WDPCP: variants seen among roughly 807,000 people sequenced by gnomAD.
WDPCP encodes WD repeat-containing and planar cell polarity effector protein fritz homolog.
WDPCP carries 71 observed loss-of-function variants against 93.1 expected under a neutral mutation model. The observed-to-expected ratio is 0.76, with a 90% confidence interval of 0.63 to 0.93. The LOEUF is 0.93. Ranked by LOEUF, WDPCP falls within the 40% of genes least tolerant of loss-of-function variation. The pLI is 0.00. For synonymous variants in WDPCP, 315 were observed against 315.0 expected, an observed-to-expected ratio of 1.00 and a Z score of 0.00; for missense variants, 844 against 887.4, an observed-to-expected ratio of 0.95 and a Z score of 0.62.
At chr2:63,528,679 G>A (rs1051241795) in intron 1 of WDPCP, among the ~76,000 whole-genome samples, 1 of 152,182 alleles carries the variant, frequency 6.6e-6, no homozygotes, top group African/African-American at 2.4e-5. Context: ...TTTGGCTTAG[G>A]ATTGACGTGG....
chr2:63,344,471 G>A (rs569234497), intron 12 of WDPCP, among the ~76,000 whole-genome samples: 1 of 152,278 alleles, frequency 6.6e-6, no homozygotes, highest in African/African-American at 2.4e-5. Context: ...AACCCAGGGT[G>A]CATCTCATTA....
intron 1 of WDPCP, among the ~76,000 whole-genome samples, chr2:63,578,350 C>G (rs988626292): frequency 1.3e-5 from 2 of 152,178 alleles, no homozygotes; most frequent in African/African-American, 4.8e-5. Flanking sequence ...AGACAGCGCA[C>G]AGCTCTGAGT....
intron 17 of WDPCP, among the ~76,000 whole-genome samples, chr2:63,128,919 T>G (rs1670105965): frequency 6.6e-6 from 1 of 152,182 alleles, no homozygotes; most frequent in Admixed American, 6.5e-5. Flanking sequence ...CCACCCACCT[T>G]GGCCTCTGAA....
At chr2:63,203,923 A>G (rs1402030645) in intron 14 of WDPCP, among the ~76,000 whole-genome samples, 3 of 152,084 alleles carry the variant, frequency 2.0e-5, no homozygotes, top group Admixed American at 6.6e-5. Context: ...CATTGTGCAT[A>G]TATACATTTT....
rs553666547 is a variant in WDPCP, at chr2:63,305,526, G to A, written c.1812+7722C>T. On this transcript the variant is annotated intron_variant, in intron 13 of 17. Coordinates refer to ENST00000272321, the MANE Select transcript of WDPCP (RefSeq NM_015910.7). ...TAGCATCAACATCAACAAAAAAGAC[G>A]TCCACACAAAAACCCCATCCAAAGG... Among the ~76,000 whole-genome samples, 156 of 152,106 alleles carry A rather than the reference G, an allele frequency of 1.0e-3. 1 individual carries two copies. Among genetic ancestry groups the A allele is most frequent in the Non-Finnish European group, 1.8e-3 (125 of 68,006 alleles).
At chr2:63,694,364 T>A (rs962694272) in intron 2 of WDPCP, among the ~76,000 whole-genome samples, 6 of 152,192 alleles carry the variant, frequency 3.9e-5, no homozygotes, top group African/African-American at 7.2e-5. Context: ...TACCTTATAA[T>A]CTTTCTTTGA....
intron 2 of WDPCP, among the ~76,000 whole-genome samples, chr2:63,805,945 C>T (rs946110435): frequency 6.6e-6 from 1 of 152,016 alleles, no homozygotes; most frequent in African/African-American, 2.4e-5. Flanking sequence ...CATGGCAAAA[C>T]CCCATCTCTA....
chr2:63,649,816 A>G (rs898724426), intron 3 of WDPCP, among the ~76,000 whole-genome samples: 1 of 152,198 alleles, frequency 6.6e-6, no homozygotes, highest in African/African-American at 2.4e-5. Context: ...GAAATGATCA[A>G]TGGCTACAGG....
chr2:63,168,075 G>A (rs1300190655), intron 15 of WDPCP, among the ~76,000 whole-genome samples: 3 of 133,780 alleles, frequency 2.2e-5, no homozygotes, highest in Admixed American at 1.8e-4. Context: ...TCACGCCACT[G>A]CACTCCAGGC....
chr2:63,691,212 G>A (rs1220749455), intron 2 of WDPCP, among the ~76,000 whole-genome samples: 3 of 152,152 alleles, frequency 2.0e-5, no homozygotes, highest in African/African-American at 7.2e-5. Flanking sequence ...TTGAGGGCAG[G>A]AAAAAATTAT....
At chr2:63,679,358 C>T (rs1418132362) in intron 2 of WDPCP, among the ~76,000 whole-genome samples, 1 of 152,096 alleles carries the variant, frequency 6.6e-6, no homozygotes, top group Non-Finnish European at 1.5e-5. Context: ...AGAATGACTA[C>T]ACTATGAACA....
At chr2:63,529,735 G>C (rs1248805702) in intron 1 of WDPCP, among the ~76,000 whole-genome samples, 1 of 151,374 alleles carries the variant, frequency 6.6e-6, no homozygotes, top group Non-Finnish European at 1.5e-5. Context: ...CTCATAAAAT[G>C]AGTTAGGGAT....
At chr2:63,318,506 G>GA (rs1322137708) in intron 12 of WDPCP, among the ~76,000 whole-genome samples, 1 of 152,172 alleles carries the variant, frequency 6.6e-6, no homozygotes, top group Admixed American at 6.5e-5. Flanking sequence ...GAAGGACATG[G>GA]AATCAACCTA....
chr2:63,269,581 C>T (rs566761993), intron 13 of WDPCP, among the ~76,000 whole-genome samples: 1 of 152,264 alleles, frequency 6.6e-6, no homozygotes, highest in South Asian at 2.1e-4. Context: ...GGAGTTTCAT[C>T]TTAAATCATA....
chr2:63,486,613 A>G, intron 3 of WDPCP, 27 bp from the exon 4 acceptor site: 1 of 1,552,086 alleles, frequency 6.4e-7, no homozygotes, highest in East Asian at 2.4e-5. Context: ...AGGGATAGAA[A>G]GAAAAAAACA....
chr2:63,345,966 T>C (rs530290386), intron 12 of WDPCP, among the ~76,000 whole-genome samples: 1 of 152,142 alleles, frequency 6.6e-6, no homozygotes, highest in African/African-American at 2.4e-5. Flanking sequence ...ACTATACAAC[T>C]AAAGAGTTGC....
chr2:63,229,077 C>G (rs968974339), intron 14 of WDPCP: 1 of 152,204 alleles, frequency 6.6e-6, no homozygotes, highest in African/African-American at 2.4e-5. Flanking sequence ...TATTTCTCCA[C>G]ATCCTCTCCA....
intron 13 of WDPCP, among the ~76,000 whole-genome samples, chr2:63,269,214 C>T (rs1025487790): frequency 6.6e-6 from 1 of 152,166 alleles, no homozygotes; most frequent in Admixed American, 6.5e-5. Flanking sequence ...GTGTTACTAA[C>T]TTGGAATCAA....
intron 6 of WDPCP, among the ~76,000 whole-genome samples, chr2:63,479,712 A>T (rs902707864): frequency 6.6e-6 from 1 of 152,166 alleles, no homozygotes; most frequent in Non-Finnish European, 1.5e-5. Flanking sequence ...ATAATACTGA[A>T]TGGGGAAAGG....
Sources: gnomAD v4.1 joint callset for allele counts (sites outside exome capture counted in the v4.1 genomes callset) on GRCh38, gnomAD v4.1.1 for gene constraint, MANE v1.5 for transcripts, NCBI Gene and HGNC (gene_info 2026-07-23, HGNC 2026-07-21) for gene names.